Variants in POLR3B observed in about 807,000 individuals in gnomAD.
POLR3B encodes RNA polymerase III subunit B.
In POLR3B, 96 loss-of-function variants were observed where a neutral mutation model predicts 147.4. That is an observed-to-expected ratio of 0.65 (90% CI 0.55 to 0.77). The LOEUF is 0.77. Among genes scored for constraint, POLR3B ranks in the 30% least tolerant of loss-of-function variants. POLR3B has a pLI of 0.00. For synonymous variants in POLR3B, 461 were observed against 485.9 expected (o/e 0.95, Z 0.67); for missense variants, 1,036 against 1,413.5 (o/e 0.73, Z 4.28).
At chr12:106,389,513 C>T (rs1294755690) in intron 9 of POLR3B, among the ~76,000 whole-genome samples, 1 of 152,128 alleles carries the variant, frequency 6.6e-6, no homozygotes, top group Non-Finnish European at 1.5e-5. Flanking sequence ...AGTGGCAATC[C>T]ATACGTCAAA....
At chr12:106,360,091 C>G (rs559395677) in intron 1 of POLR3B, among the ~76,000 whole-genome samples, 1 of 152,336 alleles carries the variant, frequency 6.6e-6, no homozygotes, top group South Asian at 2.1e-4. Flanking sequence ...TCTGAAACTT[C>G]ATTCCCACCG....
In POLR3B at chr12:106,457,122, CT is replaced by C; in HGVS notation, c.2294-14del. ...GGTTACTGGTGGTTCTAATGCCCATCTTGGTTTCATTTTAGGCTTTGGGCGT... is the reference window on the plus strand; with the variant it reads ...GGTTACTGGTGGTTCTAATGCCCATCTGGTTTCATTTTAGGCTTTGGGCGT... On this transcript the variant is annotated splice_polypyrimidine_tract_variant and intron_variant, in intron 20 of 27. Coordinates refer to ENST00000228347, the MANE Select transcript of POLR3B (RefSeq NM_018082.6). The C allele has an allele frequency of 6.2e-7, 1 of 1,610,232 alleles. No homozygotes were observed. The highest frequency in any genetic ancestry group is 1.7e-4 in the Middle Eastern group (1 of 6,048).
At chr12:106,422,546 T>C (rs1300672576) in intron 12 of POLR3B, among the ~76,000 whole-genome samples, 2 of 152,264 alleles carry the variant, frequency 1.3e-5, no homozygotes, top group African/African-American at 4.8e-5. Flanking sequence ...TGTTCTTTTG[T>C]TCATCTGGAA....
chr12:106,386,636 G>C (rs2036842981), intron 9 of POLR3B, among the ~76,000 whole-genome samples: 2 of 152,088 alleles, frequency 1.3e-5, no homozygotes, highest in South Asian at 4.1e-4. Flanking sequence ...TGCTGGGCGT[G>C]GTGGCTCACA....
intron 25 of POLR3B, among the ~76,000 whole-genome samples, chr12:106,498,906 T>C (rs367581010): frequency 3.9e-5 from 6 of 152,332 alleles, no homozygotes; most frequent in South Asian, 2.1e-4. Flanking sequence ...ACTTGAACAC[T>C]AGTGAAACTC....
chr12:106,361,975 T>A (rs1210200103), intron 1 of POLR3B, among the ~76,000 whole-genome samples: 1 of 151,780 alleles, frequency 6.6e-6, no homozygotes, highest in Admixed American at 6.5e-5. Context: ...GGCAGGTAGG[T>A]CAGAGTCCTG....
chr12:106,374,591 T>C (rs1163470656), intron 6 of POLR3B, among the ~76,000 whole-genome samples: 1 of 151,860 alleles, frequency 6.6e-6, no homozygotes, highest in Non-Finnish European at 1.5e-5. Context: ...CTTGGCTCAC[T>C]GCAACCTCCG....
intron 12 of POLR3B, among the ~76,000 whole-genome samples, chr12:106,424,915 T>C (rs2037416907): frequency 6.6e-6 from 1 of 152,212 alleles, no homozygotes; most frequent in Non-Finnish European, 1.5e-5. Context: ...TTTTCTTTAA[T>C]TTCTTTCAGT....
At chr12:106,403,004 C>T (rs1267059018) in intron 10 of POLR3B, among the ~76,000 whole-genome samples, 3 of 151,724 alleles carry the variant, frequency 2.0e-5, no homozygotes, top group African/African-American at 7.3e-5. Flanking sequence ...AAAGAAACTA[C>T]CATCAGAGTG....
chr12:106,387,520 A>G (rs2036857717), intron 9 of POLR3B, among the ~76,000 whole-genome samples: 1 of 152,180 alleles, frequency 6.6e-6, no homozygotes, highest in Admixed American at 6.5e-5. Context: ...CGTATCCACT[A>G]CATTCTAATC....
At chr12:106,367,989 A>G (rs2036555516) in intron 4 of POLR3B, among the ~76,000 whole-genome samples, 1 of 152,052 alleles carries the variant, frequency 6.6e-6, no homozygotes, top group Non-Finnish European at 1.5e-5. Context: ...TTCCCCTCAC[A>G]TATCTCTCTA....
rs566706636 is a variant in POLR3B, at chr12:106,371,211, G to C, written c.404+1528G>C. ...AAATGCTCACCATCACTGGCTATCA[G>C]AGAAATGCAAATCAAAACCACAATG... On this transcript the variant is annotated intron_variant, in intron 6 of 27. Transcript: ENST00000228347. Among the ~76,000 whole-genome samples, 436 of 152,278 alleles carry C rather than the reference G, an allele frequency of 2.9e-3. 3 individuals carry two copies. Among genetic ancestry groups the C allele is most frequent in the African/African-American group, 9.9e-3 (413 of 41,552 alleles).
intron 18 of POLR3B, among the ~76,000 whole-genome samples, chr12:106,443,390 T>A (rs1451858753): frequency 1.3e-5 from 2 of 152,244 alleles, no homozygotes; most frequent in Non-Finnish European, 2.9e-5. Flanking sequence ...TTTTAAAATT[T>A]AAAGTAATTA....
intron 9 of POLR3B, among the ~76,000 whole-genome samples, chr12:106,381,517 A>C (rs926278732): frequency 6.6e-6 from 1 of 152,154 alleles, no homozygotes. Context: ...GCAACCCCTC[A>C]CCCATTCAAG....
chr12:106,444,766 G>A (rs1455444362), intron 19 of POLR3B, among the ~76,000 whole-genome samples, 176 bp downstream of exon 19: 1 of 152,150 alleles, frequency 6.6e-6, no homozygotes, highest in Non-Finnish European at 1.5e-5. Context: ...TTGGTGCCCT[G>A]CTATGTCTAA....
chr12:106,481,724 G>A (rs978182961), intron 23 of POLR3B, among the ~76,000 whole-genome samples: 7 of 152,188 alleles, frequency 4.6e-5, no homozygotes, highest in African/African-American at 1.2e-4. Flanking sequence ...TAGAGAAGCA[G>A]TGTTGATAAA....
At chr12:106,391,073 A>G (rs1246305002) in intron 9 of POLR3B, among the ~76,000 whole-genome samples, 1 of 152,198 alleles carries the variant, frequency 6.6e-6, no homozygotes, top group Admixed American at 6.5e-5. Context: ...AAGAAAAGAT[A>G]ATCAGCCAGG....
Position 106,357,954 on chromosome 12 carries a change from C to T in POLR3B, c.72+3C>T, listed in dbSNP as rs1357860580. Reference sequence around the variant, plus strand: ...CGGCGCCGATCCCGACTGTAGAGGTCAGTGCCAGGCACGCAGGGAGCGTCA... The same window carrying T: ...CGGCGCCGATCCCGACTGTAGAGGTTAGTGCCAGGCACGCAGGGAGCGTCA... On this transcript the variant is annotated splice_donor_region_variant and intron_variant, in intron 1 of 27. Coordinates refer to ENST00000228347, the MANE Select transcript of POLR3B (RefSeq NM_018082.6). 3.1e-6 allele frequency: 5 copies of T among 1,612,388 alleles called. No individual in the cohort carries two copies. The African/African-American group carries it at 4.0e-5, about 13-fold the overall frequency.
At chr12:106,508,619 C>T (rs956989135) in intron 27 of POLR3B, among the ~76,000 whole-genome samples, 2 of 152,126 alleles carry the variant, frequency 1.3e-5, no homozygotes, top group Admixed American at 6.5e-5. Flanking sequence ...CAGTTGTAGC[C>T]ATTGATTAAG....
Sources: gnomAD v4.1 joint callset for allele counts (sites outside exome capture counted in the v4.1 genomes callset) on GRCh38, gnomAD v4.1.1 for gene constraint, MANE v1.5 for transcripts, NCBI Gene and HGNC (gene_info 2026-07-23, HGNC 2026-07-21) for gene names.